The following CACNA2D1 variants were observed in gnomAD, a reference collection of about 807,000 sequenced individuals.
CACNA2D1 encodes the protein voltage-dependent calcium channel subunit alpha-2/delta-1.
In CACNA2D1, 53 loss-of-function variants were observed where a neutral mutation model predicts 171.5. That is an observed-to-expected ratio of 0.31 (90% CI 0.25 to 0.39). CACNA2D1 has a LOEUF of 0.39. Ranked by LOEUF, CACNA2D1 falls within the 10% of genes least tolerant of loss-of-function variation. The pLI is 1.00. For synonymous variants in CACNA2D1, 442 were observed against 443.1 expected, an observed-to-expected ratio of 1.00 and a Z score of 0.03; for missense variants, 903 against 1,299.8, an observed-to-expected ratio of 0.69 and a Z score of 4.69.
chr7:82,360,341 CT>C (rs1820957280), intron 1 of CACNA2D1, among the ~76,000 whole-genome samples: 1 of 152,076 alleles, frequency 6.6e-6, no homozygotes, highest in African/African-American at 2.4e-5. Context: ...ACAAGAATAC[CT>C]AAGTAGGTTC....
intron 4 of CACNA2D1, among the ~76,000 whole-genome samples, chr7:82,149,796 A>AAAGAAAGAAAAG (rs200977708): frequency 7.3e-6 from 1 of 136,774 alleles, no homozygotes; most frequent in African/African-American, 2.6e-5. Context: ...ACAAACAACA[A>AAAGAAAGAAAAG]AAAAAAAAAC....
At chr7:82,135,615 G>A (rs1195292575) in intron 5 of CACNA2D1, among the ~76,000 whole-genome samples, 1 of 151,940 alleles carries the variant, frequency 6.6e-6, no homozygotes, top group African/African-American at 2.4e-5. Context: ...AGATGGTGGT[G>A]GTATAATTTG....
chr7:81,955,625 A>G (rs1434051490), intron 38 of CACNA2D1, among the ~76,000 whole-genome samples: 1 of 151,986 alleles, frequency 6.6e-6, no homozygotes, highest in Non-Finnish European at 1.5e-5. Flanking sequence ...GGAGATCAGA[A>G]GGATATAGAT....
chr7:82,269,651 C>T (rs252854), intron 3 of CACNA2D1, among the ~76,000 whole-genome samples: 70,956 of 152,030 alleles, frequency 0.47, 18,171 homozygotes, highest in African/African-American at 0.69. Flanking sequence ...AGACACTGTC[C>T]TTCAACTCTA....
At chr7:82,220,854 C>A (rs188443146) in intron 3 of CACNA2D1, among the ~76,000 whole-genome samples, 21 of 149,650 alleles carry the variant, frequency 1.4e-4, no homozygotes, top group Admixed American at 6.1e-4. Context: ...TCTTGGCTCA[C>A]TGCAACCTCC....
chr7:82,408,890 A>G (rs1218658055), intron 1 of CACNA2D1, among the ~76,000 whole-genome samples: 1 of 152,228 alleles, frequency 6.6e-6, no homozygotes, highest in Non-Finnish European at 1.5e-5. Context: ...AGCTACCAAC[A>G]AAGCTTCAAA....
At chr7:82,433,001 T>C (rs1389615519) in intron 1 of CACNA2D1, among the ~76,000 whole-genome samples, 1 of 151,920 alleles carries the variant, frequency 6.6e-6, no homozygotes, top group Non-Finnish European at 1.5e-5. Flanking sequence ...GCCTGACCAA[T>C]ATGGTGAAGC....
chr7:82,041,411 G>A (rs1803953094), intron 10 of CACNA2D1, among the ~76,000 whole-genome samples: 1 of 152,118 alleles, frequency 6.6e-6, no homozygotes, highest in Non-Finnish European at 1.5e-5. Flanking sequence ...GTGGTATGTG[G>A]ATTTGGATGA....
chr7:82,192,432 CTG>C (rs575956944), intron 3 of CACNA2D1, among the ~76,000 whole-genome samples: 20 of 141,338 alleles, frequency 1.4e-4, no homozygotes, highest in African/African-American at 2.9e-4. Flanking sequence ...GTCTATATGT[CTG>C]TGTGTGTGTG....
intron 3 of CACNA2D1, among the ~76,000 whole-genome samples, chr7:82,268,072 A>C (rs1251998350): frequency 6.6e-6 from 1 of 152,182 alleles, no homozygotes; most frequent in African/African-American, 2.4e-5. Context: ...ATAAAGAATT[A>C]ACAATTATTT....
At chr7:82,131,903 T>C (rs968309380) in intron 5 of CACNA2D1, among the ~76,000 whole-genome samples, 4 of 152,150 alleles carry the variant, frequency 2.6e-5, no homozygotes, top group Admixed American at 6.5e-5. Context: ...AAAGATCCAA[T>C]TAAATCCACC....
intron 3 of CACNA2D1, among the ~76,000 whole-genome samples, chr7:82,272,080 T>C (rs1430965842): frequency 6.6e-6 from 1 of 152,168 alleles, no homozygotes; most frequent in East Asian, 1.9e-4. Flanking sequence ...AAATGAGTAA[T>C]TTATGAGAGA....
chr7:82,007,777 A>G (rs1228046871), intron 15 of CACNA2D1, 21 bp from the exon 16 acceptor site: 7 of 1,375,828 alleles, frequency 5.1e-6, no homozygotes, highest in Non-Finnish European at 7.3e-6. Flanking sequence ...ATTCAGAGAG[A>G]AAGGGCAAAT....
chr7:82,301,318 G>T (rs1006286582), intron 3 of CACNA2D1, among the ~76,000 whole-genome samples: 1 of 152,076 alleles, frequency 6.6e-6, no homozygotes, highest in Non-Finnish European at 1.5e-5. Context: ...TAGAGACGGG[G>T]TTTCTCCATG....
chr7:82,087,168 A>C (rs956435945), intron 6 of CACNA2D1, among the ~76,000 whole-genome samples: 1 of 152,144 alleles, frequency 6.6e-6, no homozygotes, highest in Non-Finnish European at 1.5e-5. Context: ...TGATATACCC[A>C]ATGTGTAGTA....
At chr7:82,347,196 A>T (rs963501689) in intron 2 of CACNA2D1, among the ~76,000 whole-genome samples, 9 of 152,206 alleles carry the variant, frequency 5.9e-5, no homozygotes, top group Non-Finnish European at 8.8e-5. Context: ...AATGTATTTA[A>T]TAATATTAGC....
chr7:82,228,495 C>A (rs773882413), intron 3 of CACNA2D1, among the ~76,000 whole-genome samples: 2 of 151,880 alleles, frequency 1.3e-5, no homozygotes, highest in Non-Finnish European at 2.9e-5. Context: ...AAGGTTAGAT[C>A]ACCTTTTGTT....
chr7:82,214,613 G>GA (rs1800917484), intron 3 of CACNA2D1, among the ~76,000 whole-genome samples: 2 of 152,010 alleles, frequency 1.3e-5, no homozygotes, highest in Middle Eastern at 3.4e-3. Flanking sequence ...TCAGAAATCA[G>GA]AAAAAATACT....
At chr7:82,198,807 T>G (rs1163081556) in intron 3 of CACNA2D1, among the ~76,000 whole-genome samples, 1 of 151,992 alleles carries the variant, frequency 6.6e-6, no homozygotes, top group Non-Finnish European at 1.5e-5. Flanking sequence ...AAAGCGAGAG[T>G]TTGTGACCTT....
Sources: allele counts gnomAD v4.1 joint callset (sites outside exome capture counted in the v4.1 genomes callset), GRCh38; gene constraint gnomAD v4.1.1; transcripts MANE v1.5; gene names NCBI Gene and HGNC (gene_info 2026-07-23, HGNC 2026-07-21).